Variants in RTTN observed in about 807,000 individuals in gnomAD.
RTTN encodes the protein rotatin.
RTTN carries 182 observed loss-of-function variants against 269.2 expected under a neutral mutation model. The observed-to-expected ratio is 0.68, with a 90% CI of 0.60 to 0.76. The LOEUF (loss-of-function observed/expected upper bound fraction) is 0.76, where lower values mean the gene tolerates loss of function less well. RTTN is among the 30% of genes least tolerant of loss of function. RTTN has a pLI of 0.00. For synonymous variants in RTTN, 1,006 were observed against 963.5 expected, an observed-to-expected ratio of 1.04 and a Z score of -0.82; for missense variants, 2,545 against 2,608.6, an observed-to-expected ratio of 0.98 and a Z score of 0.53.
intron 40 of RTTN, chr18:70,031,472 C>A: frequency 2.5e-6 from 1 of 397,114 alleles, no homozygotes; most frequent in South Asian, 1.3e-4. Flanking sequence ...ATGCACCTGT[C>A]ATATAACATT....
chr18:70,205,368 G>C, intron 1 of RTTN, 53 bp from the exon 2 acceptor site: 22 of 1,597,544 alleles, frequency 1.4e-5, no homozygotes, highest in African/African-American at 4.0e-5. Context: ...AAGAGACTAC[G>C]TTATTTATGC....
chr18:70,115,912 CTG>C (rs1351972635), intron 26 of RTTN, among the ~76,000 whole-genome samples: 1 of 151,924 alleles, frequency 6.6e-6, no homozygotes, highest in Non-Finnish European at 1.5e-5. Flanking sequence ...AATAATATAA[CTG>C]AGAGCTTTTG....
chr18:70,197,857 T>C, intron 5 of RTTN, 119 bp from the exon 6 acceptor site: 2 of 655,144 alleles, frequency 3.1e-6, no homozygotes, highest in Non-Finnish European at 5.4e-6. Context: ...ATATCACTTC[T>C]CCAGAAAAGC....
intron 7 of RTTN, among the ~76,000 whole-genome samples, chr18:70,195,029 C>T (rs564070978): frequency 6.6e-6 from 1 of 152,196 alleles, no homozygotes; most frequent in Admixed American, 6.5e-5. Context: ...GGAAAAAAAA[C>T]TCTCCAAGAG....
intron 26 of RTTN, among the ~76,000 whole-genome samples, chr18:70,121,167 T>A (rs141165308): frequency 7.2e-5 from 11 of 152,246 alleles, no homozygotes; most frequent in African/African-American, 2.2e-4. Context: ...ACACACTTTA[T>A]CTTTATAACT....
In RTTN at chr18:70,122,956, T is replaced by C. The variant is rs143863279; in HGVS notation, c.3384-1256A>G. Among the ~76,000 whole-genome samples the C allele has an allele frequency of 4.6e-3, 698 of 152,190 alleles. 1 individual carries two copies. Among genetic ancestry groups the C allele is most frequent in the Non-Finnish European group, 7.3e-3 (495 of 67,960 alleles). On this transcript the variant is annotated intron_variant, in intron 25 of 48. Coordinates refer to ENST00000640769, the MANE Select transcript of RTTN (RefSeq NM_173630.4). ...CACCCTCATATCCCCTAAATCTAAG[T>C]GTACTATCCTCTTTTCAATTCCTCT...
At chr18:70,166,276 C>CAG in intron 13 of RTTN, 88 bp from the exon 14 acceptor site, 3 of 1,268,090 alleles carry the variant, frequency 2.4e-6, no homozygotes, top group Non-Finnish European at 3.4e-6. Flanking sequence ...GGATTTCTTC[C>CAG]TACTCCAACT....
intron 35 of RTTN, among the ~76,000 whole-genome samples, chr18:70,063,719 T>C (rs1313475484): frequency 6.6e-6 from 1 of 152,238 alleles, no homozygotes; most frequent in Non-Finnish European, 1.5e-5. Context: ...CAAGCATATA[T>C]AGAAACCTTT....
At chr18:70,191,236 G>T (rs1162251607) in intron 8 of RTTN, among the ~76,000 whole-genome samples, 6 of 150,856 alleles carry the variant, frequency 4.0e-5, no homozygotes, top group Admixed American at 3.3e-4. Context: ...AGCCAAAAAT[G>T]CATCTATATT....
Position 70,017,588 on chromosome 18 carries a change from C to A in RTTN, c.6240G>T (p.Lys2080Asn), listed in dbSNP as rs1201236820. 2.5e-6 allele frequency: 4 copies of A among 1,613,898 alleles called. No individual in the cohort carries two copies. The Admixed American group carries it at 6.7e-5, about 27-fold the overall frequency. ...CTCCAGATGATATATTCAGGAGTAA[C>A]TTCAACCAAAGAATAGTCAGATTAC... ...HLSNLTILWL[K>N]LLLNISSGED... is the part of the protein sequence containing the mutation. Residue 2080 changes from lysine (K) to asparagine (N), a missense_variant, in exon 46 of 49, where the codon AAG becomes AAT. Lys to Asn is a moderately conservative substitution (Grantham distance 94). Coordinates refer to ENST00000640769, the MANE Select transcript of RTTN (RefSeq NM_173630.4).
intron 43 of RTTN, among the ~76,000 whole-genome samples, chr18:70,025,529 T>C (rs1001657584): frequency 6.6e-6 from 1 of 152,176 alleles, no homozygotes; most frequent in Non-Finnish European, 1.5e-5. Flanking sequence ...ACACACACCC[T>C]ATACGATTTC....
intron 44 of RTTN, among the ~76,000 whole-genome samples, chr18:70,021,853 C>T (rs1228861907): frequency 6.6e-6 from 1 of 152,124 alleles, no homozygotes; most frequent in East Asian, 1.9e-4. Context: ...AATAAGCCAT[C>T]AACAGCATCT....
intron 40 of RTTN, among the ~76,000 whole-genome samples, chr18:70,044,285 T>C (rs1379552218): frequency 6.6e-6 from 1 of 152,120 alleles, no homozygotes; most frequent in Non-Finnish European, 1.5e-5. Context: ...GGCACAAGAG[T>C]TCCTCATTTG....
chr18:70,059,413 A>G (rs2057911565), intron 36 of RTTN, among the ~76,000 whole-genome samples: 1 of 152,194 alleles, frequency 6.6e-6, no homozygotes. Context: ...TTTTTGATGA[A>G]AAGTTTAATT....
intron 4 of RTTN, among the ~76,000 whole-genome samples, chr18:70,201,450 T>C (rs1312923086): frequency 6.7e-6 from 1 of 149,762 alleles, no homozygotes; most frequent in African/African-American, 2.5e-5. Flanking sequence ...CTACTAAAAA[T>C]ACAAAAAATT....
At chr18:70,031,170 T>G (rs538511497) in intron 40 of RTTN, 189 bp from the exon 41 acceptor site, 1 of 550,552 alleles carries the variant, frequency 1.8e-6, no homozygotes, top group Non-Finnish European at 3.2e-6. Context: ...AAGTTGCTTA[T>G]AATATGGAAA....
At chr18:70,117,848 T>A (rs2059638568) in intron 26 of RTTN, among the ~76,000 whole-genome samples, 1 of 151,884 alleles carries the variant, frequency 6.6e-6, no homozygotes, top group Non-Finnish European at 1.5e-5. Flanking sequence ...AGTATTCACA[T>A]ATACATAAAA....
chr18:70,196,554 A>T lies in RTTN; in HGVS notation c.788T>A (p.Leu263Ter). ...TCGGTGAAAGTTAAGTCTGTTTCTT[A>T]AATACATGCACAGCTGCTGCAGGCA... ...VSCLQQLCMY[L>*]RNRLNFHRDP... Residue 263 changes from leucine to a stop codon, truncating the protein, a stop_gained, in exon 7 of 49, where the codon TTA (leucine) becomes TAA (stop). Transcript: ENST00000640769. LOFTEE classifies it high-confidence loss of function. 2 of 1,613,708 alleles carry T rather than the reference A, an allele frequency of 1.2e-6. No individual in the cohort carries two copies. The highest frequency in any genetic ancestry group is 1.7e-6 in the Non-Finnish European group (2 of 1,179,824).
chr18:70,031,633 A>G (rs575201746), intron 40 of RTTN, among the ~76,000 whole-genome samples: 94 of 152,122 alleles, frequency 6.2e-4, no homozygotes, highest in Admixed American at 1.3e-3. Context: ...TATGTACAAA[A>G]GCAGACACAA....
Sources: allele counts gnomAD v4.1 joint callset (sites outside exome capture counted in the v4.1 genomes callset), GRCh38; gene constraint gnomAD v4.1.1; transcripts MANE v1.5; gene names NCBI Gene and HGNC (gene_info 2026-07-23, HGNC 2026-07-21).